The following TEX11 variants were observed in gnomAD, a reference collection of about 807,000 sequenced individuals.
TEX11 encodes the protein testis expressed 11, also known as testis-expressed protein 11.
A neutral mutation model predicts 84.4 loss-of-function variants in TEX11; 7 were observed. The observed-to-expected ratio is 0.08, with a 90% CI of 0.05 to 0.16. TEX11 has a LOEUF of 0.16. Ranked by LOEUF, TEX11 falls within the 10% of genes least tolerant of loss-of-function variation. The pLI, the probability that TEX11 is intolerant of heterozygous loss-of-function variation, is 1.00. For missense variants in TEX11, 551 were observed against 660.5 expected (o/e 0.83, Z 1.82); for synonymous variants, 264 against 222.8 (o/e 1.18, Z -1.64).
At chrX:70,538,974 A>G (rs1351742932) in intron 28 of TEX11, among the ~76,000 whole-genome samples, 1 of 101,156 alleles carries the variant, frequency 9.9e-6, no homozygotes, top group African/African-American at 3.5e-5. Flanking sequence ...AAAGATACTG[A>G]TAAATGACCT....
intron 9 of TEX11, among the ~76,000 whole-genome samples, chrX:70,771,121 A>T (rs2090969642): frequency 8.9e-6 from 1 of 112,420 alleles, no homozygotes; most frequent in African/African-American, 3.2e-5. Context: ...ATAAACTGTA[A>T]CCATAAAAGA....
At chrX:70,672,399 T>C (rs1243072706) in intron 15 of TEX11, among the ~76,000 whole-genome samples, 2 of 112,070 alleles carry the variant, frequency 1.8e-5, no homozygotes, top group Non-Finnish European at 3.8e-5. Context: ...GATCACATGA[T>C]AGGGGCAAGT....
intron 10 of TEX11, among the ~76,000 whole-genome samples, chrX:70,742,414 A>T (rs896567789): frequency 1.0e-4 from 11 of 109,420 alleles, no homozygotes; most frequent in African/African-American, 3.6e-4. Context: ...CATAACATAA[A>T]ATTGACCATC....
chrX:70,862,545 G>A (rs748178429), intron 4 of TEX11, among the ~76,000 whole-genome samples: 2 of 110,805 alleles, frequency 1.8e-5, no homozygotes, highest in African/African-American at 6.6e-5. Flanking sequence ...AAACACTTTT[G>A]GTAAAATAAT....
chrX:70,885,888 C>CAAAAAAAAA (rs780384460), intron 2 of TEX11, among the ~76,000 whole-genome samples: 1 of 41,389 alleles, frequency 2.4e-5, no homozygotes, highest in African/African-American at 6.6e-5. Flanking sequence ...GACACTGCCA[C>CAAAAAAAAA]AAAAAAAAAA....
At chrX:70,639,529 T>G (rs2089622343) in intron 17 of TEX11, among the ~76,000 whole-genome samples, 1 of 111,982 alleles carries the variant, frequency 8.9e-6, no homozygotes, top group African/African-American at 3.2e-5. Flanking sequence ...GTCTGACAGC[T>G]TTGAAGAGAG....
intron 9 of TEX11, among the ~76,000 whole-genome samples, chrX:70,800,247 G>A (rs920341776): frequency 8.1e-5 from 9 of 110,614 alleles, no homozygotes; most frequent in Admixed American, 1.9e-4. Flanking sequence ...ACTTGAGGGT[G>A]GAGGGTGGGA....
At chrX:70,721,367 T>C (rs892399832) in intron 13 of TEX11, among the ~76,000 whole-genome samples, 1 of 111,647 alleles carries the variant, frequency 9.0e-6, no homozygotes, top group Non-Finnish European at 1.9e-5. Flanking sequence ...TACACTTGAA[T>C]ATAAGAAGTT....
intron 18 of TEX11, among the ~76,000 whole-genome samples, chrX:70,626,274 C>T (rs902238493): frequency 9.0e-6 from 1 of 110,875 alleles, no homozygotes; most frequent in Non-Finnish European, 1.9e-5. Context: ...TTTAAGGAGG[C>T]TCTCAGTGTT....
At chrX:70,521,145 C>T in the TEX11 span, among the ~76,000 whole-genome samples, 1 of 111,221 alleles carries the variant, frequency 9.0e-6, no homozygotes, top group Non-Finnish European at 1.9e-5. Flanking sequence ...GTGGGCTGCA[C>T]CCACTGTCCA....
intron 9 of TEX11, among the ~76,000 whole-genome samples, chrX:70,756,352 A>AC (rs2147764287): frequency 9.0e-6 from 1 of 111,363 alleles, no homozygotes; most frequent in East Asian, 2.9e-4. Context: ...ACTGGGAGAC[A>AC]CCTCCCAGTA....
At chrX:70,566,078 C>A (rs7877446) in intron 25 of TEX11, among the ~76,000 whole-genome samples, 6,677 of 102,549 alleles carry the variant, frequency 0.065, 616 homozygotes, top group African/African-American at 0.22. Context: ...CTTTTATTTC[C>A]TTGAGCAGTG....
chrX:70,711,358 C>T lies in TEX11; in HGVS notation c.1004+11260G>A, dbSNP rs781042160. On this transcript the variant is annotated intron_variant, in intron 13 of 29. Transcript: ENST00000374333. ...TTCTAGTTCTAGATCCCTGAGGAAT[C>T]GCCACACTGACTTCCACAATGGTTG... 2.1e-3 allele frequency among the ~76,000 whole-genome samples: 236 copies of T among 110,432 alleles called. 1 individual carries two copies. The highest frequency in any genetic ancestry group is 7.2e-3 in the African/African-American group (219 of 30,294).
intron 13 of TEX11, among the ~76,000 whole-genome samples, chrX:70,695,787 A>G (rs1477875602): frequency 8.9e-6 from 1 of 112,046 alleles, no homozygotes; most frequent in African/African-American, 3.2e-5. Context: ...AGAGGTTTAC[A>G]TCTCTAAGGA....
At chrX:70,571,536 A>G (rs2088598708) in intron 25 of TEX11, among the ~76,000 whole-genome samples, 1 of 111,663 alleles carries the variant, frequency 9.0e-6, no homozygotes, top group South Asian at 3.7e-4. Flanking sequence ...TTGATGTCAT[A>G]TTTCATTTTT....
chrX:70,568,566 G>T (rs1190874373), intron 25 of TEX11, among the ~76,000 whole-genome samples: 1 of 110,707 alleles, frequency 9.0e-6, no homozygotes, highest in Non-Finnish European at 1.9e-5. Flanking sequence ...TCCATGTTTA[G>T]TGCTTCCTTC....
the TEX11 span, among the ~76,000 whole-genome samples, chrX:70,523,083 G>A: frequency 2.3e-4 from 25 of 110,733 alleles, no homozygotes; most frequent in Non-Finnish European, 4.1e-4. Context: ...GTTATGATTA[G>A]TTTTTTAAAT....
chrX:70,657,151 A>T (rs1224549934), intron 16 of TEX11, among the ~76,000 whole-genome samples: 1 of 112,099 alleles, frequency 8.9e-6, no homozygotes, highest in Non-Finnish European at 1.9e-5. Context: ...TTATAACTTT[A>T]TTTAATTTTA....
intron 13 of TEX11, among the ~76,000 whole-genome samples, chrX:70,694,007 TA>T (rs1303843062): frequency 3.6e-5 from 4 of 111,310 alleles, no homozygotes; most frequent in South Asian, 3.8e-4. Context: ...AAATAAAAGT[TA>T]AAAAAAACCC....
Sources: gnomAD v4.1 joint callset for allele counts (sites outside exome capture counted in the v4.1 genomes callset) on GRCh38, gnomAD v4.1.1 for gene constraint, MANE v1.5 for transcripts, NCBI Gene and HGNC (gene_info 2026-07-23, HGNC 2026-07-21) for gene names.